The following TMEFF1 variants were observed in gnomAD, a reference collection of about 807,000 sequenced individuals.
TMEFF1 encodes the protein tomoregulin-1.
In TMEFF1, 20 loss-of-function variants were observed where a neutral mutation model predicts 47.5. That is an observed-to-expected ratio of 0.42 (90% CI 0.30 to 0.61). The LOEUF (loss-of-function observed/expected upper bound fraction) is 0.61. TMEFF1 is among the 20% of genes least tolerant of loss of function. The probability of loss-of-function intolerance (pLI) is 0.19; values close to 1 mark genes in which losing one functional copy is unlikely to be tolerated. For missense variants in TMEFF1, 411 were observed against 471.1 expected (o/e 0.87, Z 1.18); for synonymous variants, 162 against 166.3 (o/e 0.97, Z 0.20).
At chr9:100,556,631 G>A (rs752381107) in intron 7 of TMEFF1, among the ~76,000 whole-genome samples, 1 of 152,168 alleles carries the variant, frequency 6.6e-6, no homozygotes, top group African/African-American at 2.4e-5. Context: ...TTCTGGAAGT[G>A]TTCAAGTAGA....
intron 5 of TMEFF1, among the ~76,000 whole-genome samples, chr9:100,528,665 C>T (rs1278575391): frequency 9.5e-6 from 1 of 105,402 alleles, no homozygotes; most frequent in Non-Finnish European, 1.9e-5. Context: ...GGAAAACACT[C>T]TGCAGGATAT....
chr9:100,513,377 T>C (rs549089140), intron 4 of TMEFF1, 44 bp downstream of exon 4: 8 of 1,543,860 alleles, frequency 5.2e-6, no homozygotes, highest in Middle Eastern at 2.3e-4. Flanking sequence ...TTTTCTTTCT[T>C]TCTTTCTTTC....
At chr9:100,565,060 T>C (rs1234873663) in intron 8 of TMEFF1, among the ~76,000 whole-genome samples, 1 of 152,264 alleles carries the variant, frequency 6.6e-6, no homozygotes, top group East Asian at 1.9e-4. Flanking sequence ...TATATTCAGT[T>C]TGACGTGCTT....
chr9:100,514,802 C>T (rs1181196092), intron 4 of TMEFF1, among the ~76,000 whole-genome samples: 4 of 151,942 alleles, frequency 2.6e-5, no homozygotes, highest in Non-Finnish European at 5.9e-5. Context: ...TGAGACCAGC[C>T]TGGCCAATGT....
rs61587639 is a variant in TMEFF1 at position 100,560,345 on chromosome 9, C to T, written c.776-1052C>T. Among the ~76,000 whole-genome samples, 1,769 of 152,076 alleles carry T rather than the reference C, an allele frequency of 0.012. 147 individuals are homozygous for T. The East Asian group carries it at 0.23, about 20-fold the overall frequency. On this transcript the variant is annotated intron_variant, in intron 7 of 9. Transcript: ENST00000374879. ...TTAAGAGGGTAGTATACTGCAGGTA[C>T]GGCTGTAGTGCACAGAGTCTGTTAG...
intron 5 of TMEFF1, among the ~76,000 whole-genome samples, chr9:100,530,571 A>C (rs924316958): frequency 5.3e-4 from 81 of 152,230 alleles, no homozygotes; most frequent in African/African-American, 1.7e-3. Context: ...CAATAACAGG[A>C]TCTGAAATTG....
rs752427622 is a variant in TMEFF1, at chr9:100,497,320, C to CTTTTTTTTTTTTTTTTTTTTTTT, written c.197-1443_197-1421dup. 9.2e-4 allele frequency among the ~76,000 whole-genome samples: 55 copies of CTTTTTTTTTTTTTTTTTTTTTTT among 59,540 alleles called. 5 individuals carry two copies. Among genetic ancestry groups the CTTTTTTTTTTTTTTTTTTTTTTT allele is most frequent in the East Asian group, 2.2e-3 (4 of 1,834 alleles). 39.1% of individuals were successfully genotyped at this position (59,540 alleles called of 152,430 possible). ...TCTTGCTTTAAGTTTCCACTCATGTCTTTTTTTTTTTTTTTTTTTTTTTTG... is the reference window on the plus strand; with the variant it reads ...TCTTGCTTTAAGTTTCCACTCATGTCTTTTTTTTTTTTTTTTTTTTTTTTTTTTTTTTTTTTTTTTTTTTTTTG... On this transcript the variant is annotated intron_variant, in intron 1 of 9. Coordinates refer to ENST00000374879, the MANE Select transcript of TMEFF1 (RefSeq NM_003692.5).
intron 2 of TMEFF1, among the ~76,000 whole-genome samples, chr9:100,507,096 T>C (rs1216725949): frequency 6.6e-6 from 1 of 152,186 alleles, no homozygotes; most frequent in Non-Finnish European, 1.5e-5. Context: ...AATGTTTACC[T>C]AACACTAATG....
rs1837851583 is a variant in TMEFF1 at position 100,505,880 on chromosome 9, G to T, written c.307-3125G>T. Among the ~76,000 whole-genome samples, 2 of 152,178 alleles carry T rather than the reference G, an allele frequency of 1.3e-5. 1 individual carries two copies. The highest frequency in any genetic ancestry group is 4.1e-4 in the South Asian group (2 of 4,834). On this transcript the variant is annotated intron_variant, in intron 2 of 9. Transcript: ENST00000374879. ...ACTTGATATCTTGGAGCTCATAGTA[G>T]TTTCCTTGGCTAATTGAGTATTGTA...
intron 5 of TMEFF1, among the ~76,000 whole-genome samples, chr9:100,544,087 GATATAT>G (rs35750255): frequency 2.7e-5 from 4 of 147,138 alleles, no homozygotes; most frequent in African/African-American, 1.0e-4. Context: ...CCTTCATGCT[GATATAT>G]ATATATATAT....
chr9:100,564,567 G>T (rs545783057), intron 8 of TMEFF1, among the ~76,000 whole-genome samples: 13 of 152,160 alleles, frequency 8.5e-5, no homozygotes, highest in African/African-American at 3.1e-4. Flanking sequence ...CTATACATGA[G>T]GCGATTTGGG....
At chr9:100,570,707 T>C (rs955496167) in intron 8 of TMEFF1, among the ~76,000 whole-genome samples, 1 of 151,978 alleles carries the variant, frequency 6.6e-6, no homozygotes, top group African/African-American at 2.4e-5. Context: ...CTGGGAAGTG[T>C]CTAGGAACCT....
At chr9:100,488,863 T>C (rs1837498627) in intron 1 of TMEFF1, among the ~76,000 whole-genome samples, 1 of 152,242 alleles carries the variant, frequency 6.6e-6, no homozygotes, top group African/African-American at 2.4e-5. Flanking sequence ...TTTTCCAAAA[T>C]TTAAGCAGCA....
At chr9:100,537,287 C>T (rs151009168) in intron 5 of TMEFF1, among the ~76,000 whole-genome samples, 1 of 152,116 alleles carries the variant, frequency 6.6e-6, no homozygotes, top group African/African-American at 2.4e-5. Flanking sequence ...TTCTTGGCCT[C>T]ATATTATGAG....
At chr9:100,507,510 G>A (rs1837884885) in intron 2 of TMEFF1, among the ~76,000 whole-genome samples, 1 of 152,008 alleles carries the variant, frequency 6.6e-6, no homozygotes, top group Admixed American at 6.6e-5. Flanking sequence ...AGTCCCACAA[G>A]CATCTGTTAT....
intron 6 of TMEFF1, among the ~76,000 whole-genome samples, chr9:100,548,634 G>A (rs1838778887): frequency 6.6e-6 from 1 of 152,078 alleles, no homozygotes; most frequent in South Asian, 2.1e-4. Flanking sequence ...CTTGCTTACT[G>A]GTTCCCTTCT....
chr9:100,505,759 G>A (rs1348861692), intron 2 of TMEFF1, among the ~76,000 whole-genome samples: 1 of 152,128 alleles, frequency 6.6e-6, no homozygotes, highest in African/African-American at 2.4e-5. Context: ...GCCACCCCTA[G>A]GGGGCGATAT....
At chr9:100,501,948 G>T (rs980794473) in intron 2 of TMEFF1, among the ~76,000 whole-genome samples, 1 of 151,938 alleles carries the variant, frequency 6.6e-6, no homozygotes, top group African/African-American at 2.4e-5. Flanking sequence ...TGGCTACTTT[G>T]ATTTATTTTT....
chr9:100,514,472 G>A lies in TMEFF1; in HGVS notation c.463+1139G>A, dbSNP rs1838026204. ...TAGGCGATCATGTAGTCTAGCCCCT[G>A]TGGTCAGGTATTCAGTTAGGAAACT... On this transcript the variant is annotated intron_variant, in intron 4 of 9. Transcript: ENST00000374879. Among the ~76,000 whole-genome samples, 5 of 152,228 alleles carry A rather than the reference G, an allele frequency of 3.3e-5. No individual in the cohort carries two copies. In the South Asian group the frequency reaches 1.0e-3, roughly 32 times the overall value.
Sources: gnomAD v4.1 joint callset for allele counts (sites outside exome capture counted in the v4.1 genomes callset) on GRCh38, gnomAD v4.1.1 for gene constraint, MANE v1.5 for transcripts, NCBI Gene and HGNC (gene_info 2026-07-23, HGNC 2026-07-21) for gene names.